WWOX: variants seen among roughly 807,000 people sequenced by gnomAD.
The protein encoded by WWOX is WW domain containing oxidoreductase, also known as WW domain-containing oxidoreductase.
Under a neutral mutation model 46.2 loss-of-function variants are expected in WWOX, and 69 were observed. The observed-to-expected ratio is 1.49, with a 90% CI of 1.23 to 1.82. WWOX has a LOEUF of 1.82. Among genes scored for constraint, WWOX ranks in the 40% most tolerant of loss-of-function variants. WWOX has a pLI of 0.00. For synonymous variants in WWOX, 359 were observed against 202.6 expected, an observed-to-expected ratio of 1.77 and a Z score of -6.56; for missense variants, 919 against 542.6, an observed-to-expected ratio of 1.69 and a Z score of -6.89.
intron 8 of WWOX, among the ~76,000 whole-genome samples, chr16:79,039,772 C>T (rs955317797): frequency 6.6e-6 from 1 of 152,182 alleles, no homozygotes; most frequent in South Asian, 2.1e-4. Context: ...TCAGTTTTCT[C>T]ACCTCGAAAT....
chr16:78,243,220 A>G (rs898262196), intron 5 of WWOX, among the ~76,000 whole-genome samples: 79 of 152,220 alleles, frequency 5.2e-4, no homozygotes, highest in African/African-American at 1.8e-3. Context: ...TCTATAGTAC[A>G]TTAAATCACA....
intron 8 of WWOX, chr16:79,101,551 T>C (rs9925662): frequency 6.6e-6 from 1 of 152,150 alleles, no homozygotes; most frequent in Non-Finnish European, 1.5e-5. Context: ...CAGTGGGTCC[T>C]GGGAATTTGC....
At chr16:79,165,683 C>G (rs1385044160) in intron 8 of WWOX, among the ~76,000 whole-genome samples, 1 of 152,146 alleles carries the variant, frequency 6.6e-6, no homozygotes, top group East Asian at 1.9e-4. Context: ...AGCACACAAA[C>G]CCAGTCCATG....
chr16:78,101,789 A>G (rs2031810249), intron 1 of WWOX, among the ~76,000 whole-genome samples: 2 of 152,214 alleles, frequency 1.3e-5, no homozygotes, highest in South Asian at 4.1e-4. Flanking sequence ...AGACACACAC[A>G]GGTATTATGT....
chr16:78,406,180 C>T (rs1179902289), intron 6 of WWOX, among the ~76,000 whole-genome samples: 1 of 150,930 alleles, frequency 6.6e-6, no homozygotes, highest in East Asian at 1.9e-4. Flanking sequence ...ATCACTGCGT[C>T]AGTTTACTAT....
chr16:78,178,921 C>A (rs994831726), intron 5 of WWOX, among the ~76,000 whole-genome samples: 1 of 151,770 alleles, frequency 6.6e-6, no homozygotes, highest in Non-Finnish European at 1.5e-5. Flanking sequence ...TGGTTTACCT[C>A]GTGTTTAGTC....
chr16:78,718,765 T>C (rs1212563376), intron 8 of WWOX, among the ~76,000 whole-genome samples: 1 of 152,104 alleles, frequency 6.6e-6, no homozygotes, highest in Non-Finnish European at 1.5e-5. Context: ...GAAGTATTCA[T>C]TTAGGTGACA....
chr16:78,616,776 A>C (rs2046035698), intron 8 of WWOX, among the ~76,000 whole-genome samples: 1 of 151,606 alleles, frequency 6.6e-6, no homozygotes, highest in Non-Finnish European at 1.5e-5. Context: ...CAACACTAAT[A>C]ATAATAAAGT....
intron 8 of WWOX, among the ~76,000 whole-genome samples, chr16:78,889,399 C>A (rs1292508967): frequency 6.1e-5 from 8 of 130,158 alleles, no homozygotes; most frequent in Non-Finnish European, 1.2e-4. Flanking sequence ...ACCCTGCAAA[C>A]TGGGTCCCCC....
intron 8 of WWOX, chr16:78,996,370 G>GGGGGGGGGGGGCCCCCCCC: frequency 1.2e-6 from 1 of 834,528 alleles, no homozygotes; most frequent in Non-Finnish European, 1.4e-6. Flanking sequence ...AGTGAATTCT[G>GGGGGGGGGGGGCCCCCCCC]CACCCACCCC....
At chr16:78,615,071 A>G (rs577182724) in intron 8 of WWOX, among the ~76,000 whole-genome samples, 9 of 152,334 alleles carry the variant, frequency 5.9e-5, no homozygotes, top group African/African-American at 2.2e-4. Flanking sequence ...GGTGTTCCTG[A>G]GTCTGGGGAC....
At chr16:78,758,847 C>T (rs954871478) in intron 8 of WWOX, among the ~76,000 whole-genome samples, 5 of 151,586 alleles carry the variant, frequency 3.3e-5, no homozygotes, top group African/African-American at 9.7e-5. Flanking sequence ...GTATCACTAA[C>T]CATTTGAAGA....
At chr16:78,562,771 G>C (rs370273906) in intron 8 of WWOX, among the ~76,000 whole-genome samples, 45 of 152,324 alleles carry the variant, frequency 3.0e-4, no homozygotes, top group African/African-American at 1.0e-3. Context: ...ACTCAGGGAA[G>C]ACCCTGTCTA....
intron 8 of WWOX, among the ~76,000 whole-genome samples, chr16:78,688,802 G>A (rs768077704): frequency 5.9e-5 from 9 of 152,136 alleles, no homozygotes; most frequent in African/African-American, 1.4e-4. Flanking sequence ...TAATCCCCAC[G>A]TGTCATGGGA....
At chr16:78,947,749 A>G (rs1280200471) in intron 8 of WWOX, among the ~76,000 whole-genome samples, 3 of 152,222 alleles carry the variant, frequency 2.0e-5, no homozygotes, top group Non-Finnish European at 4.4e-5. Context: ...GATGCTATTT[A>G]TAACCATTTT....
intron 5 of WWOX, among the ~76,000 whole-genome samples, chr16:78,206,437 A>G (rs1436280601): frequency 3.9e-5 from 6 of 152,130 alleles, no homozygotes; most frequent in Admixed American, 2.0e-4. Flanking sequence ...AAGATTAGGA[A>G]CTTTAAATGT....
At chr16:78,109,612 G>A (rs752911694) in intron 2 of WWOX, among the ~76,000 whole-genome samples, 166 bp from the exon 3 acceptor site, 8 of 151,264 alleles carry the variant, frequency 5.3e-5, no homozygotes, top group Non-Finnish European at 1.0e-4. Flanking sequence ...GGGGCCTTCT[G>A]CAGCTGTCGC....
At chr16:78,705,472 A>T (rs866205100) in intron 8 of WWOX, among the ~76,000 whole-genome samples, 3 of 152,170 alleles carry the variant, frequency 2.0e-5, no homozygotes, top group African/African-American at 7.2e-5. Flanking sequence ...TTGTTCTGTC[A>T]TCAGTTTGTC....
intron 8 of WWOX, among the ~76,000 whole-genome samples, chr16:78,980,790 A>G (rs1016135529): frequency 1.3e-5 from 2 of 152,162 alleles, no homozygotes; most frequent in Non-Finnish European, 1.5e-5. Context: ...GCTTATTTTC[A>G]TCATCTGGAA....
Sources: gnomAD v4.1 joint callset for allele counts (sites outside exome capture counted in the v4.1 genomes callset) on GRCh38, gnomAD v4.1.1 for gene constraint, MANE v1.5 for transcripts, NCBI Gene and HGNC (gene_info 2026-07-23, HGNC 2026-07-21) for gene names.